ZNF529: variants seen among roughly 807,000 people sequenced by gnomAD.
ZNF529 encodes the protein zinc finger protein 529.
ZNF529 carries 11 observed loss-of-function variants against 10.1 expected under a neutral mutation model. That is an observed-to-expected ratio of 1.09 (90% confidence interval 0.69 to 1.81). The LOEUF is 1.81. Ranked by LOEUF, ZNF529 falls within the 40% of genes most tolerant of loss-of-function variation. The probability of loss-of-function intolerance (pLI) is 0.00; values close to 1 mark genes in which losing one functional copy is unlikely to be tolerated. For missense variants in ZNF529, 624 were observed against 666.8 expected (o/e 0.94, Z 0.71); for synonymous variants, 204 against 215.7 (o/e 0.95, Z 0.47).
At chr19:36,562,849 A>G (rs1374769002) in intron 2 of ZNF529, among the ~76,000 whole-genome samples, 6 of 150,466 alleles carry the variant, frequency 4.0e-5, no homozygotes, top group Admixed American at 3.3e-4. Flanking sequence ...AAAAAAAAAA[A>G]AGAAGGTGGA....
intron 1 of ZNF529, among the ~76,000 whole-genome samples, chr19:36,591,254 G>T (rs1220154245): frequency 6.9e-6 from 1 of 144,498 alleles, no homozygotes. Flanking sequence ...AGCCAAGATT[G>T]CACCACTGTA....
chr19:36,549,338 G>A (rs977102910), intron 4 of ZNF529, among the ~76,000 whole-genome samples: 4 of 151,780 alleles, frequency 2.6e-5, no homozygotes, highest in African/African-American at 9.7e-5. Flanking sequence ...AAATTTTCAT[G>A]TGCCAATGTA....
At chr19:36,576,506 C>A (rs1490503007), upstream of ZNF529, among the ~76,000 whole-genome samples, 1 of 152,074 alleles carries the variant, frequency 6.6e-6, no homozygotes, top group Non-Finnish European at 1.5e-5. Context: ...ATCACGAGGT[C>A]AGGAGTTCAA....
chr19:36,599,159 C>G (rs984621663), intron 1 of ZNF529, among the ~76,000 whole-genome samples: 2 of 152,134 alleles, frequency 1.3e-5, no homozygotes, highest in Non-Finnish European at 2.9e-5. Flanking sequence ...AAATCATAAA[C>G]CCATCCTCAG....
chr19:36,578,261 T>A (rs2036378617), upstream of ZNF529, among the ~76,000 whole-genome samples: 1 of 142,676 alleles, frequency 7.0e-6, no homozygotes, highest in Non-Finnish European at 1.5e-5. Context: ...AGACGAGGTT[T>A]CAACATGTTG....
At chr19:36,579,860 A>G (rs2036424344) in intron 2 of ZNF529, among the ~76,000 whole-genome samples, 1 of 152,234 alleles carries the variant, frequency 6.6e-6, no homozygotes, top group African/African-American at 2.4e-5. Context: ...GTTTTCTTCA[A>G]TAATAAATTA....
At position 36,556,199 on chromosome 19, in the gene ZNF529, T is replaced by A; in HGVS notation, c.15-2A>T. On this transcript the variant is annotated splice_acceptor_variant, in intron 2 of 4. Coordinates refer to ENST00000591340, the MANE Select transcript of ZNF529 (RefSeq NM_020951.5). LOFTEE classifies it high-confidence loss of function. ...CCATGGACATGATCCCCAATGAAAC[T>A]GTAAAAATTATTTTTTAAGAAAGAA... 9.3e-7 allele frequency: 1 copy of A among 1,071,532 alleles called. No individual in the cohort carries two copies. Among genetic ancestry groups the A allele is most frequent in the Non-Finnish European group, 1.4e-6 (1 of 708,384 alleles). The allele number at this position is 1,071,532 out of a possible 1,614,324, so 66.4% of individuals were successfully genotyped here.
At chr19:36,556,485 A>G (rs1211223416) in intron 2 of ZNF529, among the ~76,000 whole-genome samples, 2 of 152,158 alleles carry the variant, frequency 1.3e-5, no homozygotes, top group Non-Finnish European at 2.9e-5. Context: ...GTAAGACATC[A>G]TCACTTTTCA....
chr19:36,563,000 C>A (rs2035765679), intron 2 of ZNF529, among the ~76,000 whole-genome samples: 1 of 152,166 alleles, frequency 6.6e-6, no homozygotes, highest in Non-Finnish European at 1.5e-5. Flanking sequence ...CATCAAGGCA[C>A]CCTTGGAAGA....
chr19:36,567,286 T>C (rs1005396121), intron 2 of ZNF529, among the ~76,000 whole-genome samples: 2 of 152,110 alleles, frequency 1.3e-5, no homozygotes, highest in African/African-American at 4.8e-5. Flanking sequence ...AAAAATTGAA[T>C]ATCCACATGC....
chr19:36,571,023 C>A (rs1342579041), intron 2 of ZNF529, among the ~76,000 whole-genome samples: 4 of 152,140 alleles, frequency 2.6e-5, no homozygotes, highest in Non-Finnish European at 5.9e-5. Flanking sequence ...GCAGTGTGAA[C>A]ATATAACTGA....
At chr19:36,592,958 T>C (rs1436044415) in intron 1 of ZNF529, among the ~76,000 whole-genome samples, 5 of 152,212 alleles carry the variant, frequency 3.3e-5, no homozygotes, top group Non-Finnish European at 7.3e-5. Flanking sequence ...CTTGTTCAAT[T>C]TGATAGTCTA....
At chr19:36,605,081 GC>G (rs2145304591) in intron 1 of ZNF529, 1 of 152,676 alleles carries the variant, frequency 6.5e-6, no homozygotes, top group East Asian at 1.9e-4. Flanking sequence ...CAGGTCCCCT[GC>G]CGTGAGCTCT....
intron 2 of ZNF529, among the ~76,000 whole-genome samples, chr19:36,562,703 G>C (rs1459053706): frequency 6.6e-6 from 1 of 152,000 alleles, no homozygotes; most frequent in Non-Finnish European, 1.5e-5. Flanking sequence ...CGGGCGTGGT[G>C]GCAGGTGCCT....
At chr19:36,561,596 G>C (rs1309051695) in intron 2 of ZNF529, among the ~76,000 whole-genome samples, 1 of 152,104 alleles carries the variant, frequency 6.6e-6, no homozygotes, top group Non-Finnish European at 1.5e-5. Flanking sequence ...ACTGCAGACA[G>C]TCCCCCCTAG....
At chr19:36,577,838 A>T (rs2036362437), upstream of ZNF529, 1 of 152,194 alleles carries the variant, frequency 6.6e-6, no homozygotes, top group African/African-American at 2.4e-5. Context: ...CAAGAGAAAC[A>T]GGTCCGTAGT....
intron 2 of ZNF529, among the ~76,000 whole-genome samples, chr19:36,558,799 A>T (rs2035573222): frequency 6.6e-6 from 1 of 152,112 alleles, no homozygotes; most frequent in Non-Finnish European, 1.5e-5. Context: ...AAATAAAATT[A>T]AAAAGCTTCT....
At chr19:36,554,484 A>C (rs1033687544) in intron 4 of ZNF529, among the ~76,000 whole-genome samples, 186 bp downstream of exon 4, 1 of 152,186 alleles carries the variant, frequency 6.6e-6, no homozygotes, top group African/African-American at 2.4e-5. Flanking sequence ...AGGCTGAGGC[A>C]GAAGAATCAC....
chr19:36,556,446 CCAGT>C (rs1297761944), intron 2 of ZNF529, among the ~76,000 whole-genome samples: 1 of 152,156 alleles, frequency 6.6e-6, no homozygotes, highest in East Asian at 1.9e-4. Context: ...AACCCTTGCC[CCAGT>C]CAGATAGCTA....
Sources: gnomAD v4.1 joint callset for allele counts (sites outside exome capture counted in the v4.1 genomes callset) on GRCh38, gnomAD v4.1.1 for gene constraint, MANE v1.5 for transcripts, NCBI Gene and HGNC (gene_info 2026-07-23, HGNC 2026-07-21) for gene names.